Variants in ZBTB7C observed in about 807,000 individuals in gnomAD.
ZBTB7C encodes zinc finger and BTB domain-containing protein 7C.
In ZBTB7C, 8 loss-of-function variants were observed where a neutral mutation model predicts 25.7. The ratio of observed to expected loss-of-function variants is 0.31; its 90% CI spans 0.18 to 0.56. ZBTB7C has a LOEUF of 0.56. Ranked by LOEUF, ZBTB7C falls within the 20% of genes least tolerant of loss-of-function variation. ZBTB7C has a pLI of 0.91. For synonymous variants in ZBTB7C, 394 were observed against 369.0 expected (o/e 1.07, Z -0.78); for missense variants, 824 against 855.2 (o/e 0.96, Z 0.46).
intron 2 of ZBTB7C, among the ~76,000 whole-genome samples, chr18:48,280,834 ATT>A (rs1367396494): frequency 6.9e-5 from 10 of 145,644 alleles, no homozygotes; most frequent in Non-Finnish European, 1.5e-4. Context: ...TTCCTAGGTA[ATT>A]TTTTTCTCTC....
chr18:48,402,664 G>A (rs1451286915), intron 1 of ZBTB7C, among the ~76,000 whole-genome samples: 3 of 152,176 alleles, frequency 2.0e-5, no homozygotes, highest in Non-Finnish European at 4.4e-5. Flanking sequence ...TTTCTGTTTA[G>A]TAAAAGATGG....
At chr18:48,152,329 A>T (rs2040704084) in intron 3 of ZBTB7C, among the ~76,000 whole-genome samples, 2 of 149,612 alleles carry the variant, frequency 1.3e-5, no homozygotes, top group African/African-American at 4.9e-5. Context: ...CTAAAATGTT[A>T]AAAAAAAAAT....
intron 2 of ZBTB7C, among the ~76,000 whole-genome samples, chr18:48,293,546 G>C (rs1252147831): frequency 6.6e-6 from 1 of 152,104 alleles, no homozygotes; most frequent in African/African-American, 2.4e-5. Context: ...ATTTAAATCT[G>C]GGGGAGATAC....
intron 3 of ZBTB7C, among the ~76,000 whole-genome samples, chr18:48,124,765 G>A (rs368731356): frequency 4.6e-5 from 7 of 152,224 alleles, no homozygotes; most frequent in African/African-American, 1.4e-4. Context: ...GAGCAGGGGT[G>A]GGTGAGAAAG....
At chr18:48,364,562 A>G (rs2047181613) in intron 1 of ZBTB7C, among the ~76,000 whole-genome samples, 1 of 152,238 alleles carries the variant, frequency 6.6e-6, no homozygotes, top group Non-Finnish European at 1.5e-5. Flanking sequence ...AAGAGGCCGT[A>G]TAGGAGGTGA....
chr18:48,333,625 C>A (rs1036746118), intron 2 of ZBTB7C, among the ~76,000 whole-genome samples: 2 of 152,150 alleles, frequency 1.3e-5, no homozygotes, highest in Admixed American at 6.5e-5. Flanking sequence ...TGCCATAGAT[C>A]ATCTTTTGAA....
At chr18:48,160,351 T>G (rs949233782) in intron 3 of ZBTB7C, among the ~76,000 whole-genome samples, 13 of 152,240 alleles carry the variant, frequency 8.5e-5, no homozygotes, top group Non-Finnish European at 1.6e-4. Context: ...ATAGGTGCTA[T>G]GCTAGGTCCC....
intron 3 of ZBTB7C, among the ~76,000 whole-genome samples, chr18:48,146,762 C>T (rs1224736954): frequency 6.6e-6 from 1 of 152,162 alleles, no homozygotes; most frequent in African/African-American, 2.4e-5. Context: ...ATTGTATAAA[C>T]TTCCAAGAAA....
intron 2 of ZBTB7C, among the ~76,000 whole-genome samples, chr18:48,302,565 T>G (rs1735359788): frequency 6.6e-6 from 1 of 152,222 alleles, no homozygotes; most frequent in Non-Finnish European, 1.5e-5. Flanking sequence ...CAAAATAATT[T>G]TTCTCATTGC....
intron 3 of ZBTB7C, among the ~76,000 whole-genome samples, chr18:48,123,306 C>G (rs891644949): frequency 6.6e-6 from 1 of 152,252 alleles, no homozygotes; most frequent in Non-Finnish European, 1.5e-5. Context: ...CAGAGATGAG[C>G]CACCCAGATG....
intron 3 of ZBTB7C, among the ~76,000 whole-genome samples, chr18:48,123,530 A>C (rs572150816): frequency 6.6e-6 from 1 of 152,362 alleles, no homozygotes; most frequent in African/African-American, 2.4e-5. Flanking sequence ...TGGGGTTGGC[A>C]TAAGTGGTAG....
chr18:48,179,695 C>A (rs1422176219), intron 3 of ZBTB7C, among the ~76,000 whole-genome samples: 2 of 151,306 alleles, frequency 1.3e-5, no homozygotes, highest in African/African-American at 4.9e-5. Context: ...TTCCTTCCTT[C>A]CTTCCTTCCC....
chr18:48,041,253 T>C, intron 3 of ZBTB7C, 130 bp from the exon 4 acceptor site: 1 of 1,415,014 alleles, frequency 7.1e-7, no homozygotes, highest in Non-Finnish European at 9.2e-7. Context: ...TCCTCCTACC[T>C]CTTAGCCTTG....
At chr18:48,301,186 C>T (rs1303022411) in intron 2 of ZBTB7C, among the ~76,000 whole-genome samples, 2 of 152,140 alleles carry the variant, frequency 1.3e-5, no homozygotes, top group African/African-American at 4.8e-5. Context: ...ATTTGTTGTG[C>T]AGGGAAAAGG....
In ZBTB7C at chr18:48,029,064, G is replaced by T; in HGVS notation, c.*196C>A. 1.3e-6 allele frequency: 1 copy of T among 767,430 alleles called. No individual in the cohort carries two copies. The highest frequency in any genetic ancestry group is 1.9e-6 in the Non-Finnish European group (1 of 520,414). 47.5% of individuals were successfully genotyped at this position (767,430 alleles called of 1,614,324 possible). A position where few individuals can be genotyped will look rare whatever the true frequency, so the allele number is the denominator to read the frequency against. On this transcript the variant is annotated 3_prime_UTR_variant, in exon 5 of 5. Coordinates refer to ENST00000590800, the MANE Select transcript of ZBTB7C (RefSeq NM_001318841.2). ...GGCTCCTGGCCTTTTGGGAAAAGAT[G>T]CCCGTCTCAGACCAGCAAAAGGAGG...
At chr18:48,087,520 C>T (rs1191784430) in intron 3 of ZBTB7C, 1 of 152,212 alleles carries the variant, frequency 6.6e-6, no homozygotes, top group Non-Finnish European at 1.5e-5. Flanking sequence ...GGTAATCACT[C>T]TTGTGGTAAT....
intron 1 of ZBTB7C, among the ~76,000 whole-genome samples, chr18:48,358,927 T>C (rs1306021941): frequency 1.3e-5 from 2 of 152,002 alleles, no homozygotes; most frequent in Non-Finnish European, 2.9e-5. Context: ...TGGCTGGTGT[T>C]GATCACAGGT....
intron 2 of ZBTB7C, among the ~76,000 whole-genome samples, chr18:48,236,425 T>C (rs2043380507): frequency 6.6e-6 from 1 of 152,146 alleles, no homozygotes. Context: ...AAATGAACCC[T>C]AGGGAAACGG....
intron 2 of ZBTB7C, among the ~76,000 whole-genome samples, chr18:48,235,737 C>G (rs2043362588): frequency 6.6e-6 from 1 of 152,186 alleles, no homozygotes; most frequent in South Asian, 2.1e-4. Context: ...TACATTACCC[C>G]CCGCCTCAGC....
Sources: allele counts gnomAD v4.1 joint callset (sites outside exome capture counted in the v4.1 genomes callset), GRCh38; gene constraint gnomAD v4.1.1; transcripts MANE v1.5; gene names NCBI Gene and HGNC (gene_info 2026-07-23, HGNC 2026-07-21).